TAPBPL: variants seen among roughly 807,000 people sequenced by gnomAD.
TAPBPL encodes the protein tapasin-related protein.
In TAPBPL, 32 loss-of-function variants were observed where a neutral mutation model predicts 44.8. The observed-to-expected ratio is 0.71, with a 90% CI of 0.54 to 0.96. The LOEUF (loss-of-function observed/expected upper bound fraction) is 0.96. Ranked by LOEUF, TAPBPL falls within the 40% of genes least tolerant of loss-of-function variation. The pLI is 0.00. For missense variants in TAPBPL, 520 were observed against 586.6 expected (o/e 0.89, Z 1.17); for synonymous variants, 230 against 240.7 (o/e 0.96, Z 0.41).
In TAPBPL at chr12:6,453,292, C is replaced by T. The variant is rs777825441; in HGVS notation, c.290C>T (p.Ala97Val). ...AQDDPPIIFEASVDLVQIPQA... is the reference protein window; with the variant it reads ...AQDDPPIIFEVSVDLVQIPQA... ...GATGACCCACCTATTATCTTTGAGG[C>T]CTCAGGTAAAAGCCTTCCACCTGTG... The change falls in exon 2 of 7, where the codon GCC (alanine) becomes GTC (valine). Residue 97 changes from alanine (A) to valine (V), a missense_variant. Ala to Val is a moderately conservative substitution (Grantham distance 64). Transcript: ENST00000266556. This position sits in a 1 kb window ranked among gnomAD's most constrained non-coding sequence, Gnocchi z 4.8. The T allele has an allele frequency of 1.2e-6, 2 of 1,613,652 alleles. No individual in the cohort carries two copies. Among genetic ancestry groups the T allele is most frequent in the African/African-American group, 2.7e-5 (2 of 74,904 alleles).
rs1210598311 is a variant in TAPBPL, at chr12:6,458,840, C to T, written c.1100C>T (p.Ser367Phe). 2 of 1,614,042 alleles carry T rather than the reference C, an allele frequency of 1.2e-6. No individual in the cohort carries two copies. Among genetic ancestry groups the T allele is most frequent in the Non-Finnish European group, 1.7e-6 (2 of 1,180,040 alleles). Residue 367 changes from serine to phenylalanine, a missense_variant, in exon 5 of 7, where the codon TCC (serine) becomes TTC (phenylalanine). Physicochemically the swap from Ser to Phe is radical, Grantham distance 155 (BLOSUM62 -2). Coordinates refer to ENST00000266556, the MANE Select transcript of TAPBPL (RefSeq NM_018009.5). ...QSVAGTYSIS[S>F]SLTAEPGSAG... ...GTGGCAGGCACCTACAGCATCTCCTCCTCTCTCACCGCAGAACCTGGCTCT... is the reference window on the plus strand; with the variant it reads ...GTGGCAGGCACCTACAGCATCTCCTTCTCTCTCACCGCAGAACCTGGCTCT...
chr12:6,465,971 G>C (rs1468326406), downstream of TAPBPL: 15 of 1,614,250 alleles, frequency 9.3e-6, no homozygotes, highest in Non-Finnish European at 1.3e-5. Context: ...CCAGGACCTT[G>C]TCCACGTTCA....
downstream of TAPBPL, among the ~76,000 whole-genome samples, chr12:6,470,365 C>T (rs1446122617): frequency 1.3e-5 from 2 of 151,958 alleles, no homozygotes; most frequent in Non-Finnish European, 2.9e-5. Context: ...GAATGGGGTG[C>T]TGGCCCCCCT....
At chr12:6,465,383 T>C (rs199859700), downstream of TAPBPL, 23 of 87,456 alleles carry the variant, frequency 2.6e-4, no homozygotes, top group Non-Finnish European at 4.0e-4. Flanking sequence ...AATGTATATA[T>C]ATGTATATAT....
downstream of TAPBPL, among the ~76,000 whole-genome samples, chr12:6,471,484 T>C (rs1303767753): frequency 6.6e-6 from 1 of 152,206 alleles, no homozygotes; most frequent in African/African-American, 2.4e-5. This position sits in a 1 kb window ranked among gnomAD's most constrained non-coding sequence, Gnocchi z 4.0. Flanking sequence ...ATCCCTTTCC[T>C]GGACTCCATC....
chr12:6,463,791 C>G, downstream of TAPBPL: 1 of 1,187,876 alleles, frequency 8.4e-7, no homozygotes, highest in Non-Finnish European at 1.1e-6. The surrounding 1 kb of genome is among the most constrained non-coding windows in gnomAD (Gnocchi z 4.0). Flanking sequence ...GGAAACAAGT[C>G]CTGCTATTTT....
At position 6,453,955 on chromosome 12, in the gene TAPBPL, CGG is replaced by C. The variant is rs1683856531; in HGVS notation, c.565+240_565+241del. Reference sequence around the variant, plus strand: ...GCTTGAACCCGGAAGGCAGAGGTTGCGGTGAGCCGAGATCACACCATGGCACT... The same window carrying C: ...GCTTGAACCCGGAAGGCAGAGGTTGCTGAGCCGAGATCACACCATGGCACT... On this transcript the variant is annotated intron_variant, in intron 3 of 6. Transcript: ENST00000266556. This position sits in a 1 kb window ranked among gnomAD's most constrained non-coding sequence, Gnocchi z 4.8. Among the ~76,000 whole-genome samples, 1 of 143,372 alleles carries C rather than the reference CGG, an allele frequency of 7.0e-6. No individual in the cohort carries two copies. The highest frequency in any genetic ancestry group is 1.6e-5 in the Non-Finnish European group (1 of 63,524). 94.1% of individuals were successfully genotyped at this position (143,372 alleles called of 152,430 possible).
At chr12:6,470,602 G>A (rs1410443787), downstream of TAPBPL, 6 of 1,601,054 alleles carry the variant, frequency 3.7e-6, no homozygotes, top group Non-Finnish European at 5.1e-6. Flanking sequence ...GAGGGACGCT[G>A]CGGCTGAAGT....
intron 5 of TAPBPL, among the ~76,000 whole-genome samples, chr12:6,459,641 C>T (rs1288453197): frequency 6.6e-6 from 1 of 152,160 alleles, no homozygotes; most frequent in Non-Finnish European, 1.5e-5. Context: ...CCGGATTCCC[C>T]TTACGGGCTT....
At chr12:6,464,050 C>A, downstream of TAPBPL, 1 of 1,297,470 alleles carries the variant, frequency 7.7e-7, no homozygotes, top group Non-Finnish European at 1.0e-6. Flanking sequence ...CTTCCCAGCC[C>A]CTCCCTAGCT....
chr12:6,452,599 G>C, intron 1 of TAPBPL: 1 of 1,335,854 alleles, frequency 7.5e-7, no homozygotes. Context: ...TGACACTTCA[G>C]AAGAGGAAAG....
Position 6,460,737 on chromosome 12 carries a change from C to T in TAPBPL, c.1208-118C>T, listed in dbSNP as rs1565520678. ...GAGTGCCTTGTTCCAGGCTCCTCAA[C>T]CAGGGACTCACACACACAATCCTTA... is the stretch of plus-strand genomic sequence containing the variant. On this transcript the variant is annotated intron_variant, in intron 5 of 6. Coordinates refer to ENST00000266556, the MANE Select transcript of TAPBPL (RefSeq NM_018009.5). The T allele has an allele frequency of 5.4e-6, 5 of 924,306 alleles. No homozygotes were observed. The South Asian group carries it at 7.4e-5, about 14-fold the overall frequency. 57.3% of individuals were successfully genotyped at this position (924,306 alleles called of 1,614,324 possible).
At chr12:6,466,517 T>TA (rs1396240635), downstream of TAPBPL, 5 of 615,492 alleles carry the variant, frequency 8.1e-6, no homozygotes, top group Admixed American at 1.1e-4. Context: ...ACCCCATCTC[T>TA]AAAAAAACAG....
Position 6,457,521 on chromosome 12 carries a change from G to A in TAPBPL, c.681G>A (p.Trp227Ter), listed in dbSNP as rs1317076154. The A allele has an allele frequency of 1.1e-5, 18 of 1,614,234 alleles. No homozygotes were observed. In the Admixed American group the frequency reaches 1.5e-4, roughly 13 times the overall value. ...APGLDLISVEWRLQHKGRGQL... is the reference protein window; with the variant it reads ...APGLDLISVE ...GCTTGGACCTCATCAGTGTGGAGTG[G>A]CGACTGCAGCACAAGGGCAGGGGTC... Residue 227 changes from tryptophan (W) to a stop codon, truncating the protein, a stop_gained, in exon 4 of 7, where the codon TGG becomes TGA. Coordinates refer to ENST00000266556, the MANE Select transcript of TAPBPL (RefSeq NM_018009.5). LOFTEE classifies it high-confidence loss of function.
upstream of TAPBPL, chr12:6,451,982 T>G (rs1027872914): frequency 1.9e-6 from 1 of 530,912 alleles, no homozygotes; most frequent in South Asian, 2.0e-5. Context: ...CACCAGGGGA[T>G]TTCCGGGTGA....
chr12:6,470,049 A>C (rs1050204450), downstream of TAPBPL, among the ~76,000 whole-genome samples: 9 of 152,210 alleles, frequency 5.9e-5, no homozygotes, highest in African/African-American at 2.2e-4. Context: ...GGGGCTAGAC[A>C]TCACACTTTG....
chr12:6,454,461 C>A (rs1205976458), intron 3 of TAPBPL, among the ~76,000 whole-genome samples: 1 of 152,156 alleles, frequency 6.6e-6, no homozygotes, highest in Non-Finnish European at 1.5e-5. Flanking sequence ...GAGTGAGACA[C>A]CGTCTCAAAA....
downstream of TAPBPL, chr12:6,470,888 A>G: frequency 2.9e-6 from 1 of 340,986 alleles, no homozygotes; most frequent in Non-Finnish European, 5.3e-6. Flanking sequence ...GATCAATGCG[A>G]CCATAGTTTG....
chr12:6,464,135 A>G (rs1369963794), downstream of TAPBPL: 2 of 1,372,106 alleles, frequency 1.5e-6, no homozygotes, highest in South Asian at 2.4e-5. Flanking sequence ...GGGCAGCTTC[A>G]TGGGTACTTC....
Sources: gnomAD v4.1 joint callset for allele counts (sites outside exome capture counted in the v4.1 genomes callset) on GRCh38, gnomAD v4.1.1 for gene constraint, Gnocchi (gnomAD v3.1) non-coding constraint, MANE v1.5 for transcripts, NCBI Gene and HGNC (gene_info 2026-07-23, HGNC 2026-07-21) for gene names.